The following MALRD1 variants were observed in gnomAD, a reference collection of about 807,000 sequenced individuals.
MALRD1 encodes MAM and LDL-receptor class A domain-containing protein 1.
A neutral mutation model predicts 242.1 loss-of-function variants in MALRD1; 247 were observed. The observed-to-expected ratio is 1.02, with a 90% confidence interval of 0.92 to 1.13. MALRD1 has a LOEUF of 1.13. Ranked by LOEUF, MALRD1 falls within the 50% of genes most tolerant of loss-of-function variation. MALRD1 has a pLI of 0.00. For missense variants in MALRD1, 2,989 were observed against 2,533.1 expected, an observed-to-expected ratio of 1.18 and a Z score of -3.86; for synonymous variants, 995 against 866.6, an observed-to-expected ratio of 1.15 and a Z score of -2.60.
chr10:19,174,804 T>A (rs12243483), intron 13 of MALRD1, among the ~76,000 whole-genome samples: 1,882 of 152,138 alleles, frequency 0.012, 41 homozygotes, highest in African/African-American at 0.043. Flanking sequence ...TATTTAAATA[T>A]TTTAATATGG....
At position 19,323,910 on chromosome 10, in the gene MALRD1, C is replaced by T. The variant is rs779597590; in HGVS notation, c.3420-39C>T. 11 of 1,544,458 alleles carry T rather than the reference C, an allele frequency of 7.1e-6. No homozygotes were observed. In the South Asian group the frequency reaches 8.4e-5, roughly 12 times the overall value. The stretch of plus-strand genomic sequence containing the variant: ...ACAGGCGTGAGCCACCGTGCCCGGC[C>T]TCTTATTCCTTTTATAATATGATAA... On this transcript the variant is annotated intron_variant, in intron 21 of 39. Transcript: ENST00000454679.
intron 32 of MALRD1, among the ~76,000 whole-genome samples, chr10:19,538,012 A>T (rs1198844406): frequency 6.6e-6 from 1 of 152,220 alleles, no homozygotes; most frequent in Non-Finnish European, 1.5e-5. Flanking sequence ...TTAGATCTTC[A>T]CTGACATTTA....
chr10:19,203,586 T>C, intron 14 of MALRD1, 142 bp from the exon 15 acceptor site: 1 of 794,932 alleles, frequency 1.3e-6, no homozygotes, highest in Non-Finnish European at 1.8e-6. Flanking sequence ...AAAGGATCTT[T>C]TTTATTTTCT....
chr10:19,054,853 A>G (rs539080922), intron 1 of MALRD1, among the ~76,000 whole-genome samples: 8 of 152,342 alleles, frequency 5.3e-5, no homozygotes, highest in Admixed American at 4.6e-4. Context: ...TAGTACTGCA[A>G]TAAACATAGG....
intron 36 of MALRD1, among the ~76,000 whole-genome samples, chr10:19,668,379 G>A (rs187502670): frequency 1.1e-3 from 175 of 152,224 alleles, no homozygotes; most frequent in African/African-American, 4.1e-3. Flanking sequence ...ACCAAGAAAG[G>A]GAGGTTGGTG....
chr10:19,140,250 C>T (rs1431016841), intron 10 of MALRD1, among the ~76,000 whole-genome samples: 1 of 152,060 alleles, frequency 6.6e-6, no homozygotes, highest in African/African-American at 2.4e-5. Context: ...TTCCCAGCTG[C>T]ACAATGAAAT....
intron 18 of MALRD1, among the ~76,000 whole-genome samples, chr10:19,237,042 A>C (rs928609847): frequency 6.6e-6 from 1 of 152,036 alleles, no homozygotes; most frequent in Non-Finnish European, 1.5e-5. Flanking sequence ...ATAGGATACA[A>C]TTTGATGTTT....
intron 36 of MALRD1, among the ~76,000 whole-genome samples, chr10:19,621,959 C>A (rs1839421540): frequency 6.6e-6 from 1 of 151,742 alleles, no homozygotes; most frequent in African/African-American, 2.4e-5. Context: ...AATTTAACAT[C>A]TATTCTTTAT....
chr10:19,078,577 T>C (rs1835389613), intron 2 of MALRD1, among the ~76,000 whole-genome samples: 1 of 151,908 alleles, frequency 6.6e-6, no homozygotes, highest in South Asian at 2.1e-4. Flanking sequence ...TTTTGTTTTT[T>C]ATAAGAGTTT....
At chr10:19,446,254 C>T (rs1834974071) in intron 28 of MALRD1, among the ~76,000 whole-genome samples, 2 of 152,148 alleles carry the variant, frequency 1.3e-5, no homozygotes, top group Admixed American at 6.6e-5. Flanking sequence ...TGATGCCCCA[C>T]CCTGCTTCAG....
intron 19 of MALRD1, among the ~76,000 whole-genome samples, chr10:19,261,753 T>A (rs1349198956): frequency 7.6e-6 from 1 of 132,180 alleles, no homozygotes; most frequent in Non-Finnish European, 1.7e-5. Context: ...ATTTTACTTT[T>A]CTTTGGTACT....
chr10:19,474,464 C>G (rs1195382175), intron 29 of MALRD1, among the ~76,000 whole-genome samples: 3 of 151,990 alleles, frequency 2.0e-5, no homozygotes, highest in Non-Finnish European at 4.4e-5. Context: ...ATATTCTTTG[C>G]TCTAAGGCAT....
intron 33 of MALRD1, among the ~76,000 whole-genome samples, chr10:19,570,210 G>A (rs1331483900): frequency 6.6e-6 from 1 of 151,938 alleles, no homozygotes; most frequent in African/African-American, 2.4e-5. Context: ...GAGTCTTAAG[G>A]CATAGCTTCT....
intron 1 of MALRD1, among the ~76,000 whole-genome samples, chr10:19,057,566 T>C (rs1200079470): frequency 1.3e-5 from 2 of 152,236 alleles, no homozygotes; most frequent in South Asian, 2.1e-4. Context: ...CACAGAATTA[T>C]GTATGCAAGA....
intron 14 of MALRD1, among the ~76,000 whole-genome samples, chr10:19,185,031 A>G (rs950084080): frequency 2.6e-5 from 4 of 152,224 alleles, no homozygotes; most frequent in Admixed American, 6.5e-5. Context: ...TATTTTTGTG[A>G]ACAAATACTT....
intron 7 of MALRD1, 114 bp downstream of exon 7, chr10:19,124,784 G>C: frequency 2.3e-6 from 2 of 876,386 alleles, no homozygotes; most frequent in Non-Finnish European, 3.0e-6. Flanking sequence ...ATATTTTATT[G>C]AAAATACATT....
intron 18 of MALRD1, among the ~76,000 whole-genome samples, chr10:19,255,440 A>G (rs906743901): frequency 1.3e-5 from 2 of 152,030 alleles, no homozygotes; most frequent in African/African-American, 4.8e-5. Flanking sequence ...TTTTCTCAGG[A>G]CTACTATTTT....
At chr10:19,395,574 C>T (rs1205377004) in intron 28 of MALRD1, among the ~76,000 whole-genome samples, 1 of 152,154 alleles carries the variant, frequency 6.6e-6, no homozygotes. Context: ...CAGGTTTTCC[C>T]TAAGCAGTTC....
chr10:19,595,260 G>C lies in MALRD1; in HGVS notation c.5747G>C (p.Cys1916Ser). 1 of 1,550,548 alleles carries C rather than the reference G, an allele frequency of 6.4e-7. No homozygotes were observed. Among genetic ancestry groups the C allele is most frequent in the Non-Finnish European group, 8.7e-7 (1 of 1,146,908 alleles). Residue 1916 changes from cysteine to serine, a missense_variant, in exon 34 of 40, where the codon TGT becomes TCT. By Grantham distance (112) the Cys-to-Ser change is moderately radical. Coordinates refer to ENST00000454679, the MANE Select transcript of MALRD1 (RefSeq NM_001142308.3). ...TTTTCTTGTATCTACACACTCCAATGTGTCCCTCTCTCAGGGAAATGTGAT... is the reference window on the plus strand; with the variant it reads ...TTTTCTTGTATCTACACACTCCAATCTGTCCCTCTCTCAGGGAAATGTGAT... ...DQFSCIYTLQ[C>S]VPLSGKCDGH... is the part of the protein sequence containing the mutation.
Sources: gnomAD v4.1 joint callset for allele counts (sites outside exome capture counted in the v4.1 genomes callset) on GRCh38, gnomAD v4.1.1 for gene constraint, MANE v1.5 for transcripts, NCBI Gene and HGNC (gene_info 2026-07-23, HGNC 2026-07-21) for gene names.